The following EYA2 variants were observed in gnomAD, a reference collection of about 807,000 sequenced individuals.
EYA2 encodes protein phosphatase EYA2.
In EYA2, 31 loss-of-function variants were observed where a neutral mutation model predicts 69.2. The ratio of observed to expected loss-of-function variants is 0.45; its 90% CI spans 0.34 to 0.60. The LOEUF (loss-of-function observed/expected upper bound fraction) is 0.60. Among genes scored for constraint, EYA2 ranks in the 20% least tolerant of loss-of-function variants. The pLI is 0.02. For missense variants in EYA2, 622 were observed against 701.2 expected (o/e 0.89, Z 1.28); for synonymous variants, 257 against 279.4 (o/e 0.92, Z 0.80).
At chr20:47,086,974 C>T (rs1355569543) in intron 7 of EYA2, among the ~76,000 whole-genome samples, 1 of 152,034 alleles carries the variant, frequency 6.6e-6, no homozygotes, top group Non-Finnish European at 1.5e-5. Flanking sequence ...CCAAGTGAAC[C>T]AGGAAAGACC....
intron 9 of EYA2, among the ~76,000 whole-genome samples, chr20:47,126,639 GT>G (rs2033199226): frequency 6.6e-6 from 1 of 152,160 alleles, no homozygotes. Context: ...AAGTTAGAAA[GT>G]TAGTTTCATT....
intron 1 of EYA2, chr20:46,901,094 G>A (rs951799472): frequency 2.6e-5 from 4 of 152,182 alleles, no homozygotes; most frequent in Admixed American, 6.5e-5. Context: ...ATCTCAATTT[G>A]ACTTGGGTCC....
intron 1 of EYA2, among the ~76,000 whole-genome samples, chr20:46,915,602 A>C (rs1192868698): frequency 6.6e-6 from 1 of 152,218 alleles, no homozygotes; most frequent in Non-Finnish European, 1.5e-5. Context: ...GGCAGGCTGC[A>C]GCCACCTCTA....
intron 5 of EYA2, among the ~76,000 whole-genome samples, chr20:47,048,590 G>C (rs544197563): frequency 6.6e-6 from 1 of 152,146 alleles, no homozygotes; most frequent in Non-Finnish European, 1.5e-5. Context: ...ACAAAAATTA[G>C]CTGGGCGTGG....
In EYA2 at chr20:47,038,910, G is replaced by GA. The variant is rs1984873462; in HGVS notation, c.415+22618dup. ...GAGAGTAGGGGCTTCTCGAACAGGAGAAAAACAAACAAAAAAACATTGATC... is the reference window on the plus strand; with the variant it reads ...GAGAGTAGGGGCTTCTCGAACAGGAGAAAAAACAAACAAAAAAACATTGATC... On this transcript the variant is annotated intron_variant, in intron 5 of 15. Transcript: ENST00000327619. 2.6e-5 allele frequency among the ~76,000 whole-genome samples: 4 copies of GA among 152,164 alleles called. No homozygotes were observed. The South Asian group carries it at 8.3e-4, about 32-fold the overall frequency.
At chr20:46,983,746 G>GT (rs934309561) in intron 1 of EYA2, among the ~76,000 whole-genome samples, 49 of 152,194 alleles carry the variant, frequency 3.2e-4, no homozygotes, top group Non-Finnish European at 5.9e-4. Context: ...CTGAACTCCA[G>GT]TTTTTTTCTC....
At chr20:46,915,000 CT>C (rs910684228) in intron 1 of EYA2, among the ~76,000 whole-genome samples, 2 of 152,142 alleles carry the variant, frequency 1.3e-5, no homozygotes, top group African/African-American at 4.8e-5. Flanking sequence ...GCAGTTTGGC[CT>C]TTTCTTTTCT....
chr20:46,979,201 C>T (rs940922494), intron 1 of EYA2, among the ~76,000 whole-genome samples: 1 of 152,204 alleles, frequency 6.6e-6, no homozygotes, highest in South Asian at 2.1e-4. Context: ...CCGCCTGGGA[C>T]CCTCCATCTG....
At chr20:47,094,606 G>A (rs1600704802) in intron 8 of EYA2, among the ~76,000 whole-genome samples, 1 of 152,310 alleles carries the variant, frequency 6.6e-6, no homozygotes, top group East Asian at 1.9e-4. Context: ...TTAAAAGGTG[G>A]CCCACTCAAG....
At chr20:47,142,121 TTGTAGTACAG>T (rs1318273009) in intron 9 of EYA2, among the ~76,000 whole-genome samples, 2 of 152,222 alleles carry the variant, frequency 1.3e-5, no homozygotes, top group Non-Finnish European at 2.9e-5. Context: ...ACCTCTGACT[TTGTAGTACAG>T]TGTAGACAAT....
intron 1 of EYA2, among the ~76,000 whole-genome samples, chr20:46,975,443 G>T (rs1473962036): frequency 6.6e-6 from 1 of 152,216 alleles, no homozygotes; most frequent in East Asian, 1.9e-4. Context: ...GCCAAAGCAG[G>T]AGGATTGCTG....
chr20:47,149,583 C>A (rs2033777488), intron 10 of EYA2, among the ~76,000 whole-genome samples: 2 of 151,752 alleles, frequency 1.3e-5, no homozygotes, highest in Non-Finnish European at 2.9e-5. Context: ...ATGGCTCATG[C>A]CTGTAATCCC....
chr20:47,113,020 C>T (rs991477835), intron 9 of EYA2, among the ~76,000 whole-genome samples: 12 of 151,660 alleles, frequency 7.9e-5, no homozygotes, highest in Non-Finnish European at 1.6e-4. Flanking sequence ...TATAAGCATG[C>T]ACCACCACGC....
intron 9 of EYA2, among the ~76,000 whole-genome samples, chr20:47,116,468 G>A (rs758251883): frequency 5.9e-5 from 9 of 152,040 alleles, no homozygotes; most frequent in South Asian, 2.1e-4. Context: ...ATGAGCCACT[G>A]CGCCCGGCCC....
chr20:47,078,325 G>GCACACACACACA (rs1358060493), intron 7 of EYA2, among the ~76,000 whole-genome samples: 2 of 105,344 alleles, frequency 1.9e-5, no homozygotes, highest in African/African-American at 8.7e-5. Context: ...ACGTGCGCGC[G>GCACACACACACA]CGCGCGCACA....
chr20:47,124,278 G>A (rs538686922), intron 9 of EYA2, among the ~76,000 whole-genome samples: 6 of 152,298 alleles, frequency 3.9e-5, no homozygotes, highest in Non-Finnish European at 8.8e-5. Flanking sequence ...TATTGATTAG[G>A]TAGACATCTG....
At chr20:47,020,161 AGAAGCAAAAAAG>A (rs1183197202) in intron 5 of EYA2, among the ~76,000 whole-genome samples, 1 of 144,738 alleles carries the variant, frequency 6.9e-6, no homozygotes, top group Non-Finnish European at 1.5e-5. Context: ...TATAATTTTT[AGAAGCAAAAAAG>A]GATGCTCTTG....
chr20:47,096,467 T>C (rs1319762809), intron 8 of EYA2, among the ~76,000 whole-genome samples: 6 of 152,138 alleles, frequency 3.9e-5, no homozygotes, highest in African/African-American at 1.4e-4. Flanking sequence ...GGGACTCCCA[T>C]ATCGATAGCT....
Position 47,008,365 on chromosome 20 carries a change from G to A in EYA2, c.298+3281G>A, listed in dbSNP as rs143083580. Among the ~76,000 whole-genome samples, 689 of 152,270 alleles carry A rather than the reference G, an allele frequency of 4.5e-3. 6 individuals carry two copies. Among genetic ancestry groups the A allele is most frequent in the Non-Finnish European group, 8.2e-3 (556 of 68,018 alleles). ...CCCAGGCAGCCTGGCTCTGGACCCC[G>A]AGCCCTCACCCACGGGGCTCCGACG... On this transcript the variant is annotated intron_variant, in intron 4 of 15. Transcript: ENST00000327619.
Sources: allele counts gnomAD v4.1 joint callset (sites outside exome capture counted in the v4.1 genomes callset), GRCh38; gene constraint gnomAD v4.1.1; transcripts MANE v1.5; gene names NCBI Gene and HGNC (gene_info 2026-07-23, HGNC 2026-07-21).